SLC18B1: variants seen among roughly 807,000 people sequenced by gnomAD.
SLC18B1 encodes the protein solute carrier family 18 member B1, also known as MFS-type transporter SLC18B1.
In SLC18B1, 62 loss-of-function variants were observed where a neutral mutation model predicts 53.9. The observed-to-expected ratio is 1.15, with a 90% CI of 0.94 to 1.42. SLC18B1 has a LOEUF of 1.42. SLC18B1 is among the 40% of genes most tolerant of loss of function. The pLI, the probability that SLC18B1 is intolerant of heterozygous loss-of-function variation, is 0.00. For synonymous variants in SLC18B1, 217 were observed against 200.9 expected, an observed-to-expected ratio of 1.08 and a Z score of -0.68; for missense variants, 598 against 547.3, an observed-to-expected ratio of 1.09 and a Z score of -0.93.
At chr6:132,775,208 C>T (rs1007104410) in intron 8 of SLC18B1, among the ~76,000 whole-genome samples, 26 of 152,146 alleles carry the variant, frequency 1.7e-4, no homozygotes, top group East Asian at 5.8e-4. Context: ...ACAATCTGTG[C>T]GCCAGGCAAC....
At chr6:132,774,170 A>T in intron 9 of SLC18B1, 52 bp downstream of exon 9, 2 of 1,453,024 alleles carry the variant, frequency 1.4e-6, no homozygotes, top group Non-Finnish European at 1.9e-6. Flanking sequence ...AAATTTTTCG[A>T]AATAATTCCT....
chr6:132,778,378 C>T (rs1207865157), intron 7 of SLC18B1, among the ~76,000 whole-genome samples: 1 of 152,066 alleles, frequency 6.6e-6, no homozygotes, highest in Non-Finnish European at 1.5e-5. Context: ...GGACCAGGCA[C>T]TAAAATAACA....
intron 7 of SLC18B1, among the ~76,000 whole-genome samples, chr6:132,778,622 G>A (rs891767115): frequency 1.3e-5 from 2 of 152,072 alleles, no homozygotes; most frequent in Non-Finnish European, 2.9e-5. Flanking sequence ...GTTGAAGTTA[G>A]TCATTTTTGC....
intron 13 of SLC18B1, 26 bp downstream of exon 13, chr6:132,770,864 A>G: frequency 6.3e-7 from 1 of 1,588,998 alleles, no homozygotes; most frequent in Non-Finnish European, 8.5e-7. Flanking sequence ...TTAAAGAGAG[A>G]AAAAAAGCCC....
chr6:132,780,854 CT>C (rs1303760732), intron 6 of SLC18B1, among the ~76,000 whole-genome samples: 1 of 152,126 alleles, frequency 6.6e-6, no homozygotes, highest in Admixed American at 6.5e-5. Flanking sequence ...GCCACCACCC[CT>C]GGTAGGTGTT....
chr6:132,785,915 A>AAAAAAAAAAAG (rs1562267880), intron 5 of SLC18B1, among the ~76,000 whole-genome samples: 1 of 148,436 alleles, frequency 6.7e-6, no homozygotes, highest in East Asian at 1.9e-4. Context: ...AAAAAAAAAA[A>AAAAAAAAAAAG]AGAAAGAAAA....
rs1012998080 is a variant in SLC18B1 at position 132,798,423 on chromosome 6, C to A, written c.34G>T (p.Ala12Ser). ...EALGDLEGPR[A>S]PGGDDPAGSA... ...CGCAATTCATGGTCACCTCCTGGTG[C>A]GCGTGGTCCCTCCAGGTCACCCAGC... The change falls in exon 1 of 14, where the codon GCA becomes TCA. Residue 12 changes from alanine to serine, a missense_variant. Ala to Ser is a moderately conservative substitution (Grantham distance 99). Coordinates refer to ENST00000275227, the MANE Select transcript of SLC18B1 (RefSeq NM_052831.3). 9 of 1,534,376 alleles carry A rather than the reference C, an allele frequency of 5.9e-6. No homozygotes were observed. Among genetic ancestry groups the A allele is most frequent in the Non-Finnish European group, 7.9e-6 (9 of 1,138,754 alleles).
At chr6:132,776,290 A>T in intron 8 of SLC18B1, 38 bp downstream of exon 8, 1 of 1,524,764 alleles carries the variant, frequency 6.6e-7, no homozygotes, top group Non-Finnish European at 9.1e-7. Flanking sequence ...TGCTCTAAAC[A>T]TACAAAAGTG....
At position 132,773,036 on chromosome 6, in the gene SLC18B1, T is replaced by G; in HGVS notation, c.1042A>C (p.Met348Leu). 6.2e-7 allele frequency: 1 copy of G among 1,613,916 alleles called. No individual in the cohort carries two copies. Among genetic ancestry groups the G allele is most frequent in the African/African-American group, 1.3e-5 (1 of 75,036 alleles). The change falls in exon 10 of 14, where the codon ATG becomes CTG. Residue 348 changes from methionine (M) to leucine (L), a missense_variant. By Grantham distance (15) the Met-to-Leu change is conservative (BLOSUM62 2). Transcript: ENST00000275227. Reference sequence around the variant, plus strand: ...TCCGGGAAAGTTGGAATTATACTCATTCCAGCAGAGAGGCCACTTACAACT... The same window carrying G: ...TCCGGGAAAGTTGGAATTATACTCAGTCCAGCAGAGAGGCCACTTACAACT... ...ILVVSGLSAG[M>L]SIIPTFPEIL...
rs1405315243 is a variant in SLC18B1 at position 132,770,459 on chromosome 6, G to GTTTT, written c.1305-124_1305-123insAAAA. 28 of 805,028 alleles carry GTTTT rather than the reference G, an allele frequency of 3.5e-5. No homozygotes were observed. The African/African-American group carries it at 4.5e-4, about 13-fold the overall frequency. 49.9% of individuals were successfully genotyped at this position (805,028 alleles called of 1,614,324 possible). A position where few individuals can be genotyped will look rare whatever the true frequency, so the allele number is the denominator to read the frequency against. On this transcript the variant is annotated intron_variant, in intron 13 of 13. Transcript: ENST00000275227. ...TTTTTAAAAAAGTTTCTACTGCCCGGGCATGGTGGCTCACGCCTGTAATCC... is the reference window on the plus strand; with the variant it reads ...TTTTTAAAAAAGTTTCTACTGCCCGGTTTTGCATGGTGGCTCACGCCTGTAATCC...
chr6:132,781,765 AAAAAGAAAAG>A (rs917094777), intron 6 of SLC18B1, among the ~76,000 whole-genome samples: 15 of 151,890 alleles, frequency 9.9e-5, no homozygotes, highest in Admixed American at 9.2e-4. Context: ...TTTAAAAAAA[AAAAAGAAAAG>A]AAAAGAAAAG....
intron 6 of SLC18B1, among the ~76,000 whole-genome samples, chr6:132,779,694 C>T (rs1307971185): frequency 1.3e-5 from 2 of 152,116 alleles, no homozygotes; most frequent in African/African-American, 2.4e-5. Flanking sequence ...TTATACTCAT[C>T]CTGGCCAGAG....
At position 132,770,039 on chromosome 6, in the gene SLC18B1, C is replaced by T; in HGVS notation, c.*231G>A. The T allele has an allele frequency of 3.0e-6, 1 of 335,688 alleles. No individual in the cohort carries two copies. Among genetic ancestry groups the T allele is most frequent in the Non-Finnish European group, 5.4e-6 (1 of 185,168 alleles). 20.8% of individuals were successfully genotyped at this position (335,688 alleles called of 1,614,324 possible). On this transcript the variant is annotated 3_prime_UTR_variant, in exon 14 of 14. Transcript: ENST00000275227. ...GTTTTGTTTTGCTTGTTTTTAATTACTCCTTTCATACTTAATATTTCAAAT... is the reference window on the plus strand; with the variant it reads ...GTTTTGTTTTGCTTGTTTTTAATTATTCCTTTCATACTTAATATTTCAAAT...
chr6:132,794,225 T>C (rs554587119), intron 2 of SLC18B1, among the ~76,000 whole-genome samples: 3 of 151,738 alleles, frequency 2.0e-5, no homozygotes, highest in African/African-American at 7.3e-5. Flanking sequence ...TGTCTCAGCC[T>C]CCTGAGTAGC....
chr6:132,798,137 C>T (rs866815664), intron 1 of SLC18B1, among the ~76,000 whole-genome samples: 1 of 152,180 alleles, frequency 6.6e-6, no homozygotes, highest in African/African-American at 2.4e-5. Context: ...TTTACATTTG[C>T]CTAATGGCAT....
At chr6:132,779,427 GAA>G (rs58960388) in intron 6 of SLC18B1, 23 bp from the exon 7 acceptor site, 4 of 1,432,980 alleles carry the variant, frequency 2.8e-6, no homozygotes, top group Middle Eastern at 1.9e-4. Context: ...AATGAAAAAA[GAA>G]AAAAAAAATG....
At position 132,773,047 on chromosome 6, in the gene SLC18B1, A is replaced by T. The variant is rs1781014567; in HGVS notation, c.1031T>A (p.Leu344His). 1.9e-6 allele frequency: 3 copies of T among 1,614,012 alleles called. No individual in the cohort carries two copies. Among genetic ancestry groups the T allele is most frequent in the Non-Finnish European group, 2.5e-6 (3 of 1,179,898 alleles). ...TGGAATTATACTCATTCCAGCAGAG[A>T]GGCCACTTACAACTAATATCAGCAC... ...LLVLILVVSG[L>H]SAGMSIIPTF... The change falls in exon 10 of 14, where the codon CTC becomes CAC. Residue 344 changes from leucine to histidine, a missense_variant. Coordinates refer to ENST00000275227, the MANE Select transcript of SLC18B1 (RefSeq NM_052831.3).
chr6:132,788,109 C>T (rs932168544), intron 4 of SLC18B1, among the ~76,000 whole-genome samples: 5 of 150,166 alleles, frequency 3.3e-5, no homozygotes, highest in Admixed American at 6.7e-5. Context: ...TGCAGTGAGC[C>T]GAGATCGTGC....
chr6:132,774,145 A>T, intron 9 of SLC18B1, 77 bp downstream of exon 9: 2 of 921,276 alleles, frequency 2.2e-6, no homozygotes, highest in South Asian at 1.7e-5. Context: ...ACTAAACTAT[A>T]CCAATGTTAA....
Sources: allele counts gnomAD v4.1 joint callset (sites outside exome capture counted in the v4.1 genomes callset), GRCh38; gene constraint gnomAD v4.1.1; transcripts MANE v1.5; gene names NCBI Gene and HGNC (gene_info 2026-07-23, HGNC 2026-07-21).